Variants in SPECC1 observed in about 807,000 individuals in gnomAD.
SPECC1 encodes cytospin-B.
Under a neutral mutation model 104.1 loss-of-function variants are expected in SPECC1, and 62 were observed. That is an observed-to-expected ratio of 0.60 (90% CI 0.49 to 0.74). SPECC1 has a LOEUF of 0.74. Ranked by LOEUF, SPECC1 falls within the 30% of genes least tolerant of loss-of-function variation. The pLI is 0.00. For synonymous variants in SPECC1, 513 were observed against 501.6 expected (o/e 1.02, Z -0.30); for missense variants, 1,306 against 1,310.5 (o/e 1.00, Z 0.05).
intron 8 of SPECC1, among the ~76,000 whole-genome samples, chr17:20,246,882 G>T (rs1388148735): frequency 6.6e-6 from 1 of 152,164 alleles, no homozygotes; most frequent in Non-Finnish European, 1.5e-5. Flanking sequence ...CATATTCAAA[G>T]ACATGAAAGC....
In SPECC1 at chr17:20,016,056, AT is replaced by A. The variant is rs202227465; in HGVS notation, c.-22+6633del. Among the ~76,000 whole-genome samples the A allele has an allele frequency of 2.4e-3, 368 of 151,134 alleles. 11 individuals are homozygous for A. The East Asian group carries it at 0.059, about 24-fold the overall frequency. ...AAACTCCGCTTCTACTAAAAAAAAA[AT>A]AAAATAAAAAATTAGCTGGGCGTGG... On this transcript the variant is annotated intron_variant, in intron 1 of 14. Transcript: ENST00000395527.
chr17:20,156,338 C>A, intron 3 of SPECC1: 1 of 1,246,760 alleles, frequency 8.0e-7, no homozygotes, highest in Non-Finnish European at 1.0e-6. Flanking sequence ...CTGGGGCGAG[C>A]GAAAGGCTAA....
chr17:20,302,640 G>A (rs1383273260), intron 13 of SPECC1, among the ~76,000 whole-genome samples: 1 of 151,276 alleles, frequency 6.6e-6, no homozygotes, highest in East Asian at 2.0e-4. Context: ...TTCATCAAGG[G>A]ATCCTCCCAC....
chr17:20,041,229 A>G (rs2045313462), intron 1 of SPECC1, among the ~76,000 whole-genome samples: 1 of 152,130 alleles, frequency 6.6e-6, no homozygotes, highest in South Asian at 2.1e-4. Context: ...TAAAATTTCC[A>G]TTAAAATATG....
intron 3 of SPECC1, among the ~76,000 whole-genome samples, chr17:20,131,948 G>A (rs1162701691): frequency 6.6e-6 from 1 of 152,188 alleles, no homozygotes. Flanking sequence ...CACTGCATCC[G>A]GCCAAGCATT....
intron 1 of SPECC1, among the ~76,000 whole-genome samples, chr17:20,019,387 A>AT (rs1229014603): frequency 1.3e-5 from 2 of 151,896 alleles, no homozygotes; most frequent in Non-Finnish European, 1.5e-5. Flanking sequence ...ATGGTCATGA[A>AT]TTTTTTTGCC....
rs201110892 is a variant in SPECC1, at chr17:20,110,588, C to T, written c.283+26C>T. The T allele has an allele frequency of 1.7e-5, 27 of 1,597,412 alleles. 1 individual carries two copies. In the South Asian group the frequency reaches 2.0e-4, roughly 12 times the overall value. ...GTAGGAGGGACCGGGCAGGTGGGCT[C>T]GGCAGGCCATCAGTCCTGGCCGCAT... On this transcript the variant is annotated intron_variant, in intron 3 of 14. Transcript: ENST00000395527.
chr17:20,290,404 T>C (rs1244577407), intron 12 of SPECC1: 2 of 151,504 alleles, frequency 1.3e-5, no homozygotes, highest in South Asian at 2.1e-4. Context: ...TGATCATGGC[T>C]CACTGCCACC....
intron 3 of SPECC1, among the ~76,000 whole-genome samples, chr17:20,199,530 G>T (rs2036275078): frequency 6.6e-6 from 1 of 150,866 alleles, no homozygotes; most frequent in South Asian, 2.1e-4. Flanking sequence ...CCTTCCAAGT[G>T]GCTGGGACCA....
chr17:20,045,712 C>G (rs1408911041), intron 1 of SPECC1, among the ~76,000 whole-genome samples: 1 of 152,150 alleles, frequency 6.6e-6, no homozygotes, highest in Non-Finnish European at 1.5e-5. Flanking sequence ...TCCTACTGAG[C>G]CCAGACTTGG....
intron 2 of SPECC1, among the ~76,000 whole-genome samples, chr17:20,105,108 G>C (rs1020776324): frequency 5.3e-5 from 8 of 151,440 alleles, no homozygotes; most frequent in East Asian, 3.9e-4. Context: ...TTTTCGGTGG[G>C]GGGGCGGGAG....
At chr17:20,166,733 TTC>T (rs1359811555) in intron 3 of SPECC1, among the ~76,000 whole-genome samples, 4 of 152,264 alleles carry the variant, frequency 2.6e-5, no homozygotes, top group Non-Finnish European at 4.4e-5. Context: ...TGTTTCACTC[TTC>T]TCTTTCCTCA....
intron 1 of SPECC1, among the ~76,000 whole-genome samples, chr17:20,016,512 C>T (rs1597565309): frequency 6.6e-6 from 1 of 152,164 alleles, no homozygotes; most frequent in South Asian, 2.1e-4. Context: ...GCTTGCGGGC[C>T]AGCGTGAGTT....
intron 3 of SPECC1, among the ~76,000 whole-genome samples, chr17:20,171,657 C>T (rs1043187081): frequency 6.6e-6 from 1 of 152,100 alleles, no homozygotes; most frequent in African/African-American, 2.4e-5. Flanking sequence ...AAGTGATCCT[C>T]CTGCCTCAAC....
chr17:20,243,927 A>G (rs1336396095), intron 7 of SPECC1, among the ~76,000 whole-genome samples: 2 of 151,886 alleles, frequency 1.3e-5, no homozygotes, highest in Admixed American at 1.3e-4. Context: ...ATGGACTGGT[A>G]AGAAGGTGGC....
chr17:20,259,430 A>G (rs1034555108), intron 11 of SPECC1, among the ~76,000 whole-genome samples: 14 of 152,224 alleles, frequency 9.2e-5, no homozygotes, highest in African/African-American at 1.9e-4. Context: ...TCAATTTTAC[A>G]CTTACGTTAT....
intron 3 of SPECC1, among the ~76,000 whole-genome samples, chr17:20,185,370 C>CG (rs976276179): frequency 5.9e-5 from 9 of 152,274 alleles, no homozygotes; most frequent in African/African-American, 2.2e-4. Context: ...CTCTTGTTTG[C>CG]GGGGGCACTT....
intron 8 of SPECC1, 30 bp downstream of exon 8, chr17:20,246,101 C>G: frequency 6.2e-7 from 1 of 1,610,558 alleles, no homozygotes; most frequent in Non-Finnish European, 8.5e-7. Context: ...ATAAGCAAAG[C>G]TCCAAATTCA....
At chr17:20,015,963 G>C (rs1225826120) in intron 1 of SPECC1, among the ~76,000 whole-genome samples, 1 of 146,956 alleles carries the variant, frequency 6.8e-6, no homozygotes, top group African/African-American at 2.5e-5. Flanking sequence ...TGTAATCCCA[G>C]CACTTTGGGA....
Sources: gnomAD v4.1 joint callset for allele counts (sites outside exome capture counted in the v4.1 genomes callset) on GRCh38, gnomAD v4.1.1 for gene constraint, MANE v1.5 for transcripts, NCBI Gene and HGNC (gene_info 2026-07-23, HGNC 2026-07-21) for gene names.